DDB2: variants seen among roughly 807,000 people sequenced by gnomAD.
The protein encoded by DDB2 is damage specific DNA binding protein 2.
Under a neutral mutation model 50.5 loss-of-function variants are expected in DDB2, and 27 were observed. The ratio of observed to expected loss-of-function variants is 0.53; its 90% CI spans 0.39 to 0.74. DDB2 has a LOEUF of 0.74. Ranked by LOEUF, DDB2 falls within the 30% of genes least tolerant of loss-of-function variation. DDB2 has a pLI of 0.00. For synonymous variants in DDB2, 176 were observed against 205.5 expected (o/e 0.86, Z 1.23); for missense variants, 424 against 545.6 (o/e 0.78, Z 2.22).
rs539526230 is a variant in DDB2 at position 47,215,433 on chromosome 11, A to G, written c.127+170A>G. Reference sequence around the variant, plus strand: ...TTGACACCAGAGTGTTTAGGTTTCAACACCTCTCCCGCTAGGTAACAGGAA... The same window carrying G: ...TTGACACCAGAGTGTTTAGGTTTCAGCACCTCTCCCGCTAGGTAACAGGAA... On this transcript the variant is annotated intron_variant, in intron 1 of 9. Coordinates refer to ENST00000256996, the MANE Select transcript of DDB2 (RefSeq NM_000107.3). The G allele has an allele frequency of 4.7e-6, 4 of 859,046 alleles. No homozygotes were observed. The Admixed American group carries it at 8.2e-5, about 18-fold the overall frequency. 53.2% of individuals were successfully genotyped at this position (859,046 alleles called of 1,614,324 possible).
chr11:47,230,710 T>C (rs1953634463), intron 3 of DDB2, among the ~76,000 whole-genome samples: 1 of 152,150 alleles, frequency 6.6e-6, no homozygotes, highest in Non-Finnish European at 1.5e-5. Flanking sequence ...GGTTGTTGCA[T>C]AGAAGAACTT....
intron 3 of DDB2, chr11:47,220,555 T>C (rs981064993): frequency 1.3e-5 from 2 of 152,208 alleles, no homozygotes; most frequent in African/African-American, 4.8e-5. Flanking sequence ...TTCTTTACAG[T>C]GTAAACTTTC....
chr11:47,216,261 G>A, intron 1 of DDB2, 75 bp from the exon 2 acceptor site: 1 of 1,606,820 alleles, frequency 6.2e-7, no homozygotes, highest in Non-Finnish European at 8.5e-7. Context: ...ATGAAACAAG[G>A]CTTCCTTTCG....
intron 3 of DDB2, 91 bp downstream of exon 3, chr11:47,217,140 C>A: frequency 8.9e-7 from 1 of 1,127,670 alleles, no homozygotes; most frequent in Non-Finnish European, 1.3e-6. Context: ...CTTTGGGAGG[C>A]CAAGGTGGGT....
intron 3 of DDB2, among the ~76,000 whole-genome samples, chr11:47,231,519 A>AATTTT (rs916414479): frequency 1.3e-5 from 2 of 152,062 alleles, no homozygotes; most frequent in African/African-American, 2.4e-5. Context: ...TTCTATTTTT[A>AATTTT]ATTTTATTTT....
chr11:47,238,835 A>G lies in DDB2; in HGVS notation c.1270A>G (p.Arg424Gly). The G allele has an allele frequency of 6.2e-7, 1 of 1,613,716 alleles. No homozygotes were observed. The highest frequency in any genetic ancestry group is 8.5e-7 in the Non-Finnish European group (1 of 1,179,934). ...HILIWSQEEA[R>G]TRK The stretch of plus-strand genomic sequence containing the variant: ...TCTCATCTGGAGCCAGGAGGAAGCC[A>G]GGACACGGAAGTGAGAGACACTAAA... Residue 424 changes from arginine to glycine, a missense_variant, in exon 10 of 10, where the codon AGG (arginine) becomes GGG (glycine). Arg to Gly is a moderately radical substitution (Grantham distance 125). Transcript: ENST00000256996.
At chr11:47,231,144 A>AAC (rs1953643569) in intron 3 of DDB2, among the ~76,000 whole-genome samples, 1 of 141,420 alleles carries the variant, frequency 7.1e-6, no homozygotes. Flanking sequence ...AAAAAAAAAA[A>AAC]CACACAAAGA....
At position 47,227,655 on chromosome 11, in the gene DDB2, C is replaced by T. The variant is rs183159009; in HGVS notation, c.457-5159C>T. 1.2e-3 allele frequency among the ~76,000 whole-genome samples: 185 copies of T among 152,190 alleles called. 1 individual carries two copies. The highest frequency in any genetic ancestry group is 2.9e-3 in the Admixed American group (45 of 15,260). On this transcript the variant is annotated intron_variant, in intron 3 of 9. Transcript: ENST00000256996. ...CCTCCCAAGAAGCTGGCACCCACCACCACGCCCAGCTGGCCCGATTGATTT... is the reference window on the plus strand; with the variant it reads ...CCTCCCAAGAAGCTGGCACCCACCATCACGCCCAGCTGGCCCGATTGATTT...
At chr11:47,216,554 T>C in intron 2 of DDB2, 82 bp downstream of exon 2, 1 of 1,585,102 alleles carries the variant, frequency 6.3e-7, no homozygotes, top group South Asian at 1.1e-5. Context: ...GATGATGGCT[T>C]GGTTCACCAG....
At chr11:47,216,793 A>C in intron 2 of DDB2, 65 bp from the exon 3 acceptor site, 5 of 1,515,480 alleles carry the variant, frequency 3.3e-6, no homozygotes, top group Non-Finnish European at 4.6e-6. Flanking sequence ...TGAAGGAGGC[A>C]GAGATTGGCA....
At position 47,235,267 on chromosome 11, in the gene DDB2, C is replaced by T; in HGVS notation, c.881-3C>T. On this transcript the variant is annotated splice_region_variant and splice_polypyrimidine_tract_variant and intron_variant, in intron 6 of 9. Coordinates refer to ENST00000256996, the MANE Select transcript of DDB2 (RefSeq NM_000107.3). Reference sequence around the variant, plus strand: ...TCAGCTCAGGGGCTTTTCACTTTGCCAGCTTGTTTCAGTCCCGATGGAGCC... The same window carrying T: ...TCAGCTCAGGGGCTTTTCACTTTGCTAGCTTGTTTCAGTCCCGATGGAGCC... The T allele has an allele frequency of 6.2e-7, 1 of 1,614,220 alleles. No individual in the cohort carries two copies. The highest frequency in any genetic ancestry group is 1.3e-5 in the African/African-American group (1 of 75,050).
chr11:47,237,068 C>CT (rs1279763823), intron 7 of DDB2, among the ~76,000 whole-genome samples: 1 of 152,244 alleles, frequency 6.6e-6, no homozygotes, highest in East Asian at 1.9e-4. Flanking sequence ...GTTTCCTTCT[C>CT]TTTTTTAGCC....
At chr11:47,217,126 A>C in intron 3 of DDB2, 77 bp downstream of exon 3, 1 of 1,343,972 alleles carries the variant, frequency 7.4e-7, no homozygotes. Flanking sequence ...CTGTAATCCC[A>C]GCACTTTGGG....
intron 9 of DDB2, 82 bp downstream of exon 9, chr11:47,238,265 C>T: frequency 1.6e-6 from 2 of 1,289,146 alleles, no homozygotes; most frequent in Non-Finnish European, 2.2e-6. Context: ...TCAGCCCCGC[C>T]CTGCCACATT....
At chr11:47,227,169 C>G (rs1432265924) in intron 3 of DDB2, among the ~76,000 whole-genome samples, 2 of 120,960 alleles carry the variant, frequency 1.7e-5, no homozygotes, top group East Asian at 2.8e-4. Context: ...TGTAATGGCT[C>G]AATCTCGGCT....
chr11:47,235,230 CT>C, intron 6 of DDB2, 39 bp from the exon 7 acceptor site: 1 of 1,613,890 alleles, frequency 6.2e-7, no homozygotes, highest in Non-Finnish European at 8.5e-7. Context: ...CCACAGAGGG[CT>C]TGTGGTTCCT....
chr11:47,229,818 CTTTTT>C (rs11376360), intron 3 of DDB2: 12 of 329,558 alleles, frequency 3.6e-5, no homozygotes, highest in Admixed American at 1.3e-4. Flanking sequence ...GATGGCTCTT[CTTTTT>C]TTTTTTTTTT....
chr11:47,215,363 G>A, intron 1 of DDB2, 100 bp downstream of exon 1: 2 of 1,590,014 alleles, frequency 1.3e-6, no homozygotes, highest in Non-Finnish European at 1.7e-6. Flanking sequence ...CGAGGCCCGC[G>A]CAGGTCACGG....
chr11:47,226,873 C>G (rs1241055974), intron 3 of DDB2, among the ~76,000 whole-genome samples: 1 of 151,518 alleles, frequency 6.6e-6, no homozygotes. Context: ...ACCCGAGTAA[C>G]TGGGACTGCA....
Sources: gnomAD v4.1 joint callset for allele counts (sites outside exome capture counted in the v4.1 genomes callset) on GRCh38, gnomAD v4.1.1 for gene constraint, MANE v1.5 for transcripts, NCBI Gene and HGNC (gene_info 2026-07-23, HGNC 2026-07-21) for gene names.